Variants in HACD3 observed in about 807,000 individuals in gnomAD.
HACD3 encodes the protein 3-hydroxyacyl-CoA dehydratase 3.
Under a neutral mutation model 55.2 loss-of-function variants are expected in HACD3, and 30 were observed. The ratio of observed to expected loss-of-function variants is 0.54; its 90% CI spans 0.41 to 0.74. The LOEUF is 0.74. Among genes scored for constraint, HACD3 ranks in the 30% least tolerant of loss-of-function variants. HACD3 has a pLI of 0.00. For synonymous variants in HACD3, 141 were observed against 151.7 expected, an observed-to-expected ratio of 0.93 and a Z score of 0.52; for missense variants, 363 against 440.1, an observed-to-expected ratio of 0.82 and a Z score of 1.57.
intron 1 of HACD3, among the ~76,000 whole-genome samples, chr15:65,546,572 T>G (rs2072079321): frequency 6.6e-6 from 1 of 152,140 alleles, no homozygotes; most frequent in African/African-American, 2.4e-5. Flanking sequence ...AGAAGGTATA[T>G]GAGTTTTCAT....
chr15:65,538,066 G>A (rs2071981892), intron 1 of HACD3, among the ~76,000 whole-genome samples: 1 of 149,612 alleles, frequency 6.7e-6, no homozygotes, highest in African/African-American at 2.5e-5. Flanking sequence ...GAGTGCTGAT[G>A]GAAATGTCAA....
rs770752075 is a variant in HACD3 at position 65,562,834 on chromosome 15, T to A, written c.482T>A (p.Phe161Tyr). Reference protein sequence around the residue: ...FMYNLVQFLGFSWIFVNLTVR... With the variant: ...FMYNLVQFLGYSWIFVNLTVR... ...TATAATCTTGTGCAATTCTTGGGATTCTCCTGGATCTTTGTCAACCTGACT... is the reference window on the plus strand; with the variant it reads ...TATAATCTTGTGCAATTCTTGGGATACTCCTGGATCTTTGTCAACCTGACT... The change falls in exon 6 of 11, where the codon TTC becomes TAC. Residue 161 changes from phenylalanine (F) to tyrosine (Y), a missense_variant. Transcript: ENST00000261875. The A allele has an allele frequency of 2.5e-6, 4 of 1,613,988 alleles. No homozygotes were observed. The highest frequency in any genetic ancestry group is 1.1e-5 in the South Asian group (1 of 91,062).
Position 65,530,765 on chromosome 15 carries a change from G to A in HACD3, c.87+47G>A, listed in dbSNP as rs780862891. The A allele has an allele frequency of 4.0e-6, 6 of 1,501,514 alleles. No homozygotes were observed. In the African/African-American group the frequency reaches 8.5e-5, roughly 21 times the overall value. 93.0% of individuals were successfully genotyped at this position (1,501,514 alleles called of 1,614,324 possible). ...GGGAAGCGCGCGGGATCGCGGCTCC[G>A]GGTACCCGCCAGGACCCCTGCCCCC... On this transcript the variant is annotated intron_variant, in intron 1 of 10. Coordinates refer to ENST00000261875, the MANE Select transcript of HACD3 (RefSeq NM_016395.4).
intron 1 of HACD3, among the ~76,000 whole-genome samples, chr15:65,544,003 C>T (rs1247202787): frequency 6.6e-6 from 1 of 151,930 alleles, no homozygotes; most frequent in Non-Finnish European, 1.5e-5. Context: ...GGTGAAACCT[C>T]GTCTCTACTA....
intron 1 of HACD3, chr15:65,535,774 T>A: frequency 1.5e-6 from 1 of 655,752 alleles, no homozygotes; most frequent in Non-Finnish European, 2.8e-6. Flanking sequence ...TAGCTCACCG[T>A]AGCCTTGAAC....
chr15:65,571,553 CT>C lies in HACD3; in HGVS notation c.782del (p.Phe261SerfsTer4). On this transcript the variant is annotated frameshift_variant, in exon 9 of 11. Coordinates refer to ENST00000261875, the MANE Select transcript of HACD3 (RefSeq NM_016395.4). LOFTEE classifies it high-confidence loss of function. Reference protein sequence around the residue: ...LWSAIEIFRYSFYMLTCIDMD... With the variant: ...LWSAIEIFRYXFYMLTCIDMD... ...GAATCATTTATTTTCAATAGGTACT[CT>C]TTCTACATGCTGACGTGCATTGACA... 6.2e-7 allele frequency: 1 copy of C among 1,612,434 alleles called. No individual in the cohort carries two copies. Among genetic ancestry groups the C allele is most frequent in the Non-Finnish European group, 8.5e-7 (1 of 1,178,656 alleles).
chr15:65,557,433 C>G (rs1191412131), intron 4 of HACD3, among the ~76,000 whole-genome samples: 3 of 151,604 alleles, frequency 2.0e-5, no homozygotes, highest in Non-Finnish European at 4.4e-5. Flanking sequence ...CGAGATCACG[C>G]CACTGCACTC....
At chr15:65,575,910 T>C (rs1414488968) in intron 10 of HACD3, among the ~76,000 whole-genome samples, 1 of 152,168 alleles carries the variant, frequency 6.6e-6, no homozygotes, top group Non-Finnish European at 1.5e-5. Flanking sequence ...CTGACCAACA[T>C]GGTGAAACCC....
intron 1 of HACD3, 45 bp downstream of exon 1, chr15:65,530,763 C>G: frequency 2.0e-6 from 3 of 1,503,120 alleles, no homozygotes; most frequent in Non-Finnish European, 2.7e-6. Context: ...GATCGCGGCT[C>G]CGGGTACCCG....
At chr15:65,556,468 C>CGAGTCTGGAGAGT (rs1418387561) in intron 3 of HACD3, among the ~76,000 whole-genome samples, 2 of 152,022 alleles carry the variant, frequency 1.3e-5, no homozygotes, top group Non-Finnish European at 2.9e-5. Flanking sequence ...TGATGGAGAG[C>CGAGTCTGGAGAGT]GAGTCTAAAT....
chr15:65,571,827 GA>G (rs2141226173), intron 9 of HACD3, among the ~76,000 whole-genome samples, 173 bp downstream of exon 9: 1 of 152,336 alleles, frequency 6.6e-6, no homozygotes, highest in African/African-American at 2.4e-5. Flanking sequence ...GACTGTTCGA[GA>G]AAAGTAGCTC....
Position 65,558,746 on chromosome 15 carries a change from T to C in HACD3, c.421+15T>C. 5.6e-6 allele frequency: 9 copies of C among 1,595,718 alleles called. No homozygotes were observed. Among genetic ancestry groups the C allele is most frequent in the Non-Finnish European group, 7.7e-6 (9 of 1,170,328 alleles). On this transcript the variant is annotated intron_variant, in intron 5 of 10. Coordinates refer to ENST00000261875, the MANE Select transcript of HACD3 (RefSeq NM_016395.4). ...CTCTCCTGAAAGTAAGTTGTGCTGC[T>C]GCCATGGTAGTTACCAGTTAACTTG...
At position 65,570,217 on chromosome 15, in the gene HACD3, C is replaced by T; in HGVS notation, c.773+14C>T. 6.4e-7 allele frequency: 1 copy of T among 1,551,400 alleles called. No homozygotes were observed. Among genetic ancestry groups the T allele is most frequent in the Middle Eastern group, 1.7e-4 (1 of 5,936 alleles). On this transcript the variant is annotated intron_variant, in intron 8 of 10. Coordinates refer to ENST00000261875, the MANE Select transcript of HACD3 (RefSeq NM_016395.4). ...TGAAATTTTCAGGTGGGTAGAAATG[C>T]CAGGATGGTGTTTGAATGCTGCTCC...
At position 65,551,688 on chromosome 15, in the gene HACD3, A is replaced by G. The variant is rs752335758; in HGVS notation, c.100A>G (p.Ser34Gly). 1.9e-6 allele frequency: 3 copies of G among 1,613,992 alleles called. No individual in the cohort carries two copies. The highest frequency in any genetic ancestry group is 2.5e-6 in the Non-Finnish European group (3 of 1,179,878). The change falls in exon 2 of 11, where the codon AGC (serine) becomes GGC (glycine). Residue 34 changes from serine (S) to glycine (G), a missense_variant. Coordinates refer to ENST00000261875, the MANE Select transcript of HACD3 (RefSeq NM_016395.4). ...ELSDVQNPAI[S>G]ITENVLHFKA... ...TCTCTTTTCACAGAACCCTGCCATC[A>G]GCATCACTGAAAACGTGCTGCATTT...
chr15:65,551,489 T>C (rs1460282477), intron 1 of HACD3, among the ~76,000 whole-genome samples, 187 bp from the exon 2 acceptor site: 1 of 152,172 alleles, frequency 6.6e-6, no homozygotes, highest in Admixed American at 6.5e-5. Context: ...CAGTCTTAGA[T>C]AGGTACAGAC....
chr15:65,533,992 A>AG (rs2071929666), intron 1 of HACD3, among the ~76,000 whole-genome samples: 1 of 151,392 alleles, frequency 6.6e-6, no homozygotes, highest in Non-Finnish European at 1.5e-5. Context: ...TGGAGCTTGC[A>AG]GTGAGCCGAG....
In HACD3 at chr15:65,530,781, C is replaced by T; in HGVS notation, c.87+63C>T. The T allele has an allele frequency of 2.1e-6, 3 of 1,426,852 alleles. No homozygotes were observed. In the South Asian group the frequency reaches 3.9e-5, roughly 19 times the overall value. 88.4% of individuals were successfully genotyped at this position (1,426,852 alleles called of 1,614,324 possible). On this transcript the variant is annotated intron_variant, in intron 1 of 10. Transcript: ENST00000261875. ...CGCGGCTCCGGGTACCCGCCAGGACCCCTGCCCCCTTTGTCCGCGTGCGCG... is the reference window on the plus strand; with the variant it reads ...CGCGGCTCCGGGTACCCGCCAGGACTCCTGCCCCCTTTGTCCGCGTGCGCG...
chr15:65,571,665 G>C lies in HACD3; in HGVS notation c.880+11G>C. The C allele has an allele frequency of 6.3e-7, 1 of 1,596,358 alleles. No homozygotes were observed. The highest frequency in any genetic ancestry group is 1.3e-5 in the African/African-American group (1 of 74,638). ...GATGTTTGGCGGAAGGTACTCTCAG[G>C]GACTCTTAGCTTTCATAGCTTAGCT... On this transcript the variant is annotated intron_variant, in intron 9 of 10. Transcript: ENST00000261875.
chr15:65,543,073 T>TA (rs550281162), intron 1 of HACD3, among the ~76,000 whole-genome samples: 4,281 of 113,828 alleles, frequency 0.038, 79 homozygotes, highest in Non-Finnish European at 0.049. Context: ...TCTGTCTCTC[T>TA]AAAAAAAAAA....
Sources: allele counts gnomAD v4.1 joint callset (sites outside exome capture counted in the v4.1 genomes callset), GRCh38; gene constraint gnomAD v4.1.1; transcripts MANE v1.5; gene names NCBI Gene and HGNC (gene_info 2026-07-23, HGNC 2026-07-21).